ASAH1: variants seen among roughly 807,000 people sequenced by gnomAD.
The protein encoded by ASAH1 is N-acylsphingosine amidohydrolase 1, also known as acid ceramidase.
ASAH1 carries 70 observed loss-of-function variants against 59.5 expected under a neutral mutation model. That is an observed-to-expected ratio of 1.18 (90% CI 0.97 to 1.43). ASAH1 has a LOEUF of 1.43. Among genes scored for constraint, ASAH1 ranks in the 40% most tolerant of loss-of-function variants. The pLI is 0.00. For missense variants in ASAH1, 660 were observed against 482.5 expected, an observed-to-expected ratio of 1.37 and a Z score of -3.45; for synonymous variants, 213 against 166.5, an observed-to-expected ratio of 1.28 and a Z score of -2.15.
chr8:18,071,522 T>G, intron 2 of ASAH1, 132 bp from the exon 3 acceptor site: 1 of 630,874 alleles, frequency 1.6e-6, no homozygotes, highest in Non-Finnish European at 2.9e-6. Context: ...AAACCAAAAT[T>G]TGGAAAGAAA....
At chr8:18,063,071 T>C in intron 7 of ASAH1, 114 bp downstream of exon 7, 1 of 944,004 alleles carries the variant, frequency 1.1e-6, no homozygotes, top group Non-Finnish European at 1.7e-6. Context: ...GGTTTCACCA[T>C]CTTGGCCAGG....
intron 1 of ASAH1, chr8:18,083,082 G>A (rs1366637490): frequency 1.3e-5 from 2 of 152,062 alleles, no homozygotes; most frequent in Non-Finnish European, 2.9e-5. Context: ...AGGTATAAAA[G>A]AAGACAATGC....
At chr8:18,065,605 C>T (rs1156511478) in intron 5 of ASAH1, 1 of 152,108 alleles carries the variant, frequency 6.6e-6, no homozygotes, top group Admixed American at 6.6e-5. Context: ...CCCAAACCAT[C>T]AATATCTAAG....
Position 18,083,968 on chromosome 8 carries a change from C to G in ASAH1, c.78+13G>C, listed in dbSNP as rs796867399. ...GCACGCCCCTCTCTGCGCCTCGGCT[C>G]AAGCTCACTCACCGGCGGCGCGTGC... On this transcript the variant is annotated intron_variant, in intron 1 of 13. Transcript: ENST00000637790. 1 of 1,597,228 alleles carries G rather than the reference C, an allele frequency of 6.3e-7. No individual in the cohort carries two copies. Among genetic ancestry groups the G allele is most frequent in the Non-Finnish European group, 8.5e-7 (1 of 1,179,176 alleles).
chr8:18,074,827 A>G (rs1389328588), intron 2 of ASAH1, among the ~76,000 whole-genome samples: 2 of 152,196 alleles, frequency 1.3e-5, no homozygotes, highest in African/African-American at 4.8e-5. Flanking sequence ...GTTTATTTTG[A>G]GAACGTTTCA....
intron 4 of ASAH1, chr8:18,068,012 C>G (rs1165989503): frequency 6.6e-6 from 1 of 151,652 alleles, no homozygotes; most frequent in Non-Finnish European, 1.5e-5. Flanking sequence ...TTTTTTTCTC[C>G]CTAGGAACTC....
rs541734243 is a variant in ASAH1, at chr8:18,083,190, T to G, written c.78+791A>C. 3.3e-5 allele frequency: 5 copies of G among 152,360 alleles called. No individual in the cohort carries two copies. The East Asian group carries it at 5.8e-4, about 18-fold the overall frequency. The allele number at this position is 152,360 out of a possible 1,614,324, so 9.4% of individuals were successfully genotyped here. A position where few individuals can be genotyped will look rare whatever the true frequency, so the allele number is the denominator to read the frequency against. On this transcript the variant is annotated intron_variant, in intron 1 of 13. Transcript: ENST00000637790. Reference sequence around the variant, plus strand: ...CGCCAGGTTCCTACTTATCCGATTCTGTTGGCAAAGACAAACGCAGTCTGA... The same window carrying G: ...CGCCAGGTTCCTACTTATCCGATTCGGTTGGCAAAGACAAACGCAGTCTGA...
intron 5 of ASAH1, 91 bp downstream of exon 5, chr8:18,067,129 A>C: frequency 1.8e-6 from 1 of 565,018 alleles, no homozygotes; most frequent in Non-Finnish European, 2.4e-6. Flanking sequence ...TAAGACATAC[A>C]GCACCTGTGC....
chr8:18,077,377 G>C (rs1800448652), intron 1 of ASAH1, among the ~76,000 whole-genome samples: 2 of 152,154 alleles, frequency 1.3e-5, no homozygotes, highest in African/African-American at 2.4e-5. Context: ...TTTTACTACT[G>C]TCAATTTTTA....
At chr8:18,077,558 G>A (rs1354155556) in intron 1 of ASAH1, among the ~76,000 whole-genome samples, 2 of 152,106 alleles carry the variant, frequency 1.3e-5, no homozygotes, top group Non-Finnish European at 2.9e-5. Flanking sequence ...ATCAGTTATC[G>A]GTATGTTGAC....
chr8:18,064,883 C>A, intron 5 of ASAH1: 1 of 199,696 alleles, frequency 5.0e-6, no homozygotes, highest in Non-Finnish European at 1.0e-5. Context: ...GTTTGCTGGA[C>A]ATATATTTTG....
chr8:18,080,061 G>C lies in ASAH1; in HGVS notation c.78+3920C>G, dbSNP rs191584368. Among the ~76,000 whole-genome samples the C allele has an allele frequency of 2.4e-4, 37 of 152,306 alleles. No homozygotes were observed. In the East Asian group the frequency reaches 7.1e-3, roughly 29 times the overall value. ...GGCAAGCAGTATTTGTTGAATAAGT[G>C]AATGGATTACACCTGTGTGTTCCCT... On this transcript the variant is annotated intron_variant, in intron 1 of 13. Transcript: ENST00000637790.
At chr8:18,081,775 T>C (rs553958766) in intron 1 of ASAH1, among the ~76,000 whole-genome samples, 8 of 152,360 alleles carry the variant, frequency 5.3e-5, no homozygotes, top group African/African-American at 1.9e-4. Context: ...TTTGTTACCA[T>C]GAGGCTATAG....
Position 18,059,327 on chromosome 8 carries a change from C to G in ASAH1, c.1041+14G>C. 6.2e-7 allele frequency: 1 copy of G among 1,614,172 alleles called. No homozygotes were observed. Among genetic ancestry groups the G allele is most frequent in the South Asian group, 1.1e-5 (1 of 91,088 alleles). On this transcript the variant is annotated intron_variant, in intron 12 of 13. Transcript: ENST00000637790. ...GGCAACAGTTTCTTTCTATAGATGACCCTGCAAAGGTACCTCTTGGCTGGT... is the reference window on the plus strand; with the variant it reads ...GGCAACAGTTTCTTTCTATAGATGAGCCTGCAAAGGTACCTCTTGGCTGGT...
upstream of ASAH1, chr8:18,084,620 C>A: frequency 6.2e-7 from 1 of 1,608,166 alleles, no homozygotes; most frequent in Non-Finnish European, 8.5e-7. Context: ...GTTGAGTGGC[C>A]GAGGAGTGAG....
Position 18,078,978 on chromosome 8 carries a change from G to T in ASAH1, c.79-3391C>A, listed in dbSNP as rs187992784. ...AGTGGTAAAAATCTGATATTTCAAT[G>T]CATTTGAAACTCTCTGGGCCAGGCA... On this transcript the variant is annotated intron_variant, in intron 1 of 13. Coordinates refer to ENST00000637790, the MANE Select transcript of ASAH1 (RefSeq NM_177924.5). Among the ~76,000 whole-genome samples the T allele has an allele frequency of 6.3e-3, 957 of 152,074 alleles. 11 individuals are homozygous for T. The highest frequency in any genetic ancestry group is 9.4e-3 in the Admixed American group (143 of 15,272).
Position 18,067,299 on chromosome 8 carries a change from C to T in ASAH1, c.304-1G>A. The T allele has an allele frequency of 6.3e-7, 1 of 1,581,638 alleles. No individual in the cohort carries two copies. Among genetic ancestry groups the T allele is most frequent in the Admixed American group, 1.7e-5 (1 of 58,266 alleles). ...CAGGAAAGTTGCCAAGTAGGCCAGGCTGGAAAACAAATATATTAATAAAAG... is the reference window on the plus strand; with the variant it reads ...CAGGAAAGTTGCCAAGTAGGCCAGGTTGGAAAACAAATATATTAATAAAAG... On this transcript the variant is annotated splice_acceptor_variant, in intron 4 of 13. Coordinates refer to ENST00000637790, the MANE Select transcript of ASAH1 (RefSeq NM_177924.5). LOFTEE classifies it high-confidence loss of function.
At chr8:18,058,387 G>A (rs146367187) in intron 13 of ASAH1, 1,894 of 166,276 alleles carry the variant, frequency 0.011, 17 homozygotes, top group Non-Finnish European at 0.015. Flanking sequence ...GTGGTGGGAT[G>A]ATAGGAAACT....
At chr8:18,084,725 A>G (rs769083802), upstream of ASAH1, 23 of 1,613,618 alleles carry the variant, frequency 1.4e-5, no homozygotes, top group Non-Finnish European at 1.9e-5. Context: ...GGCCTCGGTG[A>G]AAAGCGCGCT....
Sources: gnomAD v4.1 joint callset for allele counts (sites outside exome capture counted in the v4.1 genomes callset) on GRCh38, gnomAD v4.1.1 for gene constraint, MANE v1.5 for transcripts, NCBI Gene and HGNC (gene_info 2026-07-23, HGNC 2026-07-21) for gene names.